Variants in NAA30 observed in about 807,000 individuals in gnomAD.
The protein encoded by NAA30 is N-alpha-acetyltransferase 30.
A neutral mutation model predicts 31.4 loss-of-function variants in NAA30; 5 were observed. The ratio of observed to expected loss-of-function variants is 0.16; its 90% confidence interval spans 0.08 to 0.33. The LOEUF is 0.33. NAA30 is among the 10% of genes least tolerant of loss of function. The pLI, the probability that NAA30 is intolerant of heterozygous loss-of-function variation, is 1.00. For synonymous variants in NAA30, 222 were observed against 207.1 expected, an observed-to-expected ratio of 1.07 and a Z score of -0.62; for missense variants, 428 against 490.8, an observed-to-expected ratio of 0.87 and a Z score of 1.21.
intron 4 of NAA30, among the ~76,000 whole-genome samples, chr14:57,405,706 A>G (rs968521355): frequency 2.0e-5 from 3 of 152,222 alleles, no homozygotes; most frequent in Non-Finnish European, 4.4e-5. Context: ...TGTGAAGAGC[A>G]GTACTGTTTG....
intron 2 of NAA30, among the ~76,000 whole-genome samples, chr14:57,392,287 T>C (rs574851823): frequency 2.2e-4 from 34 of 152,356 alleles, no homozygotes; most frequent in African/African-American, 7.9e-4. Context: ...GCCAGCCTGC[T>C]TTCTGGTACT....
intron 4 of NAA30, among the ~76,000 whole-genome samples, chr14:57,407,910 T>C (rs945265683): frequency 7.2e-5 from 11 of 152,012 alleles, no homozygotes; most frequent in African/African-American, 2.7e-4. Flanking sequence ...AGAGGGAGAA[T>C]TGACAATAAT....
intron 2 of NAA30, among the ~76,000 whole-genome samples, chr14:57,395,105 T>A (rs908988723): frequency 6.6e-6 from 1 of 152,204 alleles, no homozygotes; most frequent in African/African-American, 2.4e-5. Flanking sequence ...AAAATTTTTT[T>A]AAAAGATTGA....
At chr14:57,396,645 C>G (rs2066451618) in intron 2 of NAA30, 107 bp from the exon 3 acceptor site, 2 of 1,161,344 alleles carry the variant, frequency 1.7e-6, no homozygotes, top group African/African-American at 3.0e-5. Flanking sequence ...TTCCCATTAT[C>G]TTCCCCCGTC....
rs1709384019 is a variant in NAA30, at chr14:57,401,455, A to G, written c.951+1572A>G. 2.0e-5 allele frequency among the ~76,000 whole-genome samples: 3 copies of G among 152,348 alleles called. 1 individual carries two copies. The South Asian group carries it at 6.2e-4, about 32-fold the overall frequency. The stretch of plus-strand genomic sequence containing the variant: ...AAAGGTGCAGTCGCCAAAGCTTTAC[A>G]TGACTGGTAACTGAAATTTCGAGGA... On this transcript the variant is annotated intron_variant, in intron 4 of 4. Transcript: ENST00000556492.
In NAA30 at chr14:57,391,041, C is replaced by A. The variant is rs8016298; in HGVS notation, c.84C>A (p.Pro28=). ...CGGCGGCGGTCGAGCCCCGCTGTCC[C>A]TTCCCGGCGGGGGCCGCCCTCGCCT... ...PAPAAVEPRC[P]FPAGAALACC... Residue 28 remains proline (P), a synonymous_variant, in exon 2 of 5, where the codon CCC becomes CCA. Transcript: ENST00000556492. The surrounding 1 kb of genome is among the most constrained non-coding windows in gnomAD (Gnocchi z 4.1). The A allele has an allele frequency of 2.5e-4, 371 of 1,512,820 alleles. 4 individuals carry two copies. The African/African-American group carries it at 4.7e-3, about 19-fold the overall frequency. The allele number at this position is 1,512,820 out of a possible 1,614,324, so 93.7% of individuals were successfully genotyped here. A position where few individuals can be genotyped will look rare whatever the true frequency, so the allele number is the denominator to read the frequency against.
intron 2 of NAA30, among the ~76,000 whole-genome samples, chr14:57,394,222 G>T (rs984083797): frequency 1.3e-5 from 2 of 150,610 alleles, no homozygotes; most frequent in Admixed American, 6.6e-5. Context: ...GTATCTTTTT[G>T]AAGTTCTTAA....
chr14:57,395,211 T>A (rs2066445661), intron 2 of NAA30, among the ~76,000 whole-genome samples: 1 of 152,110 alleles, frequency 6.6e-6, no homozygotes, highest in South Asian at 2.1e-4. Context: ...TGAATTAGCG[T>A]GGGTTGTTGA....
At chr14:57,400,203 G>A (rs2066469158) in intron 4 of NAA30, among the ~76,000 whole-genome samples, 1 of 152,112 alleles carries the variant, frequency 6.6e-6, no homozygotes, top group Non-Finnish European at 1.5e-5. Context: ...CTTACATATT[G>A]GCCTTAGTTT....
chr14:57,394,255 A>G (rs1480754551), intron 2 of NAA30, among the ~76,000 whole-genome samples: 1 of 152,150 alleles, frequency 6.6e-6, no homozygotes, highest in Admixed American at 6.5e-5. Flanking sequence ...CAAATGTAAC[A>G]TAGTACTTCC....
intron 1 of NAA30, 25 bp downstream of exon 1, chr14:57,390,730 G>C: frequency 4.7e-6 from 2 of 422,764 alleles, no homozygotes; most frequent in Non-Finnish European, 8.2e-6. Flanking sequence ...GGGGCCGCGA[G>C]TGACAGGGCT....
chr14:57,409,796 T>C lies in NAA30; in HGVS notation c.*280T>C. The C allele has an allele frequency of 7.2e-6, 2 of 279,188 alleles. No individual in the cohort carries two copies. The highest frequency in any genetic ancestry group is 6.4e-5 in the East Asian group (1 of 15,688). The allele number at this position is 279,188 out of a possible 1,614,324, so 17.3% of individuals were successfully genotyped here. A position where few individuals can be genotyped will look rare whatever the true frequency, so the allele number is the denominator to read the frequency against. On this transcript the variant is annotated 3_prime_UTR_variant, in exon 5 of 5. Coordinates refer to ENST00000556492, the MANE Select transcript of NAA30 (RefSeq NM_001011713.3). The stretch of plus-strand genomic sequence containing the variant: ...GTTCATTTGCAAAGTCTGCTGACAA[T>C]GTTATTTACACAGTGATCATTTTAT...
intron 4 of NAA30, among the ~76,000 whole-genome samples, chr14:57,402,611 T>G (rs2066481833): frequency 6.6e-6 from 1 of 152,204 alleles, no homozygotes; most frequent in Non-Finnish European, 1.5e-5. Flanking sequence ...AAAGGCATCT[T>G]TAGGGTTAAC....
chr14:57,400,530 A>AT (rs2066470959), intron 4 of NAA30, among the ~76,000 whole-genome samples: 1 of 152,238 alleles, frequency 6.6e-6, no homozygotes, highest in African/African-American at 2.4e-5. Context: ...AGAAGTATAG[A>AT]TGTCTTTAAC....
At chr14:57,407,368 C>T (rs1439967994) in intron 4 of NAA30, among the ~76,000 whole-genome samples, 2 of 152,076 alleles carry the variant, frequency 1.3e-5, no homozygotes, top group African/African-American at 4.8e-5. Flanking sequence ...TGTTGTTGGG[C>T]TTACCAGCTA....
Position 57,391,472 on chromosome 14 carries a change from G to C in NAA30, c.515G>C (p.Gly172Ala), listed in dbSNP as rs1320778145. ...GCGGCCCGCAATGGACTGGCCGAGG[G>C]CACCGAGCAGGAGGAGGAGGAGGAA... is the stretch of plus-strand genomic sequence containing the variant. ...PAAARNGLAE[G>A]TEQEEEEEDE... Residue 172 changes from glycine to alanine, a missense_variant, in exon 2 of 5, where the codon GGC becomes GCC. By Grantham distance (60) the Gly-to-Ala change is moderately conservative. Around this residue, in one of 2 missense-constraint regions of NAA30, gnomAD observed 349 missense variants for 310.4 expected, o/e 1.12. Coordinates refer to ENST00000556492, the MANE Select transcript of NAA30 (RefSeq NM_001011713.3). The surrounding 1 kb of genome is among the most constrained non-coding windows in gnomAD (Gnocchi z 4.1). 3 of 1,612,030 alleles carry C rather than the reference G, an allele frequency of 1.9e-6. No homozygotes were observed. The East Asian group carries it at 6.7e-5, about 36-fold the overall frequency.
chr14:57,390,708 G>T lies in NAA30; in HGVS notation c.-2+3G>T. The stretch of plus-strand genomic sequence containing the variant: ...GCGGCGGCGGGGACCCGTGCGGGGT[G>T]AGCCGTGAGGAGGGGCCGCGAGTGA... On this transcript the variant is annotated splice_donor_region_variant and intron_variant, in intron 1 of 4. Coordinates refer to ENST00000556492, the MANE Select transcript of NAA30 (RefSeq NM_001011713.3). The T allele has an allele frequency of 2.6e-6, 1 of 391,626 alleles. No individual in the cohort carries two copies. The highest frequency in any genetic ancestry group is 4.5e-6 in the Non-Finnish European group (1 of 221,878). The allele number at this position is 391,626 out of a possible 1,614,324, so 24.3% of individuals were successfully genotyped here.
chr14:57,391,818 A>G lies in NAA30; in HGVS notation c.771+90A>G. On this transcript the variant is annotated intron_variant, in intron 2 of 4. Coordinates refer to ENST00000556492, the MANE Select transcript of NAA30 (RefSeq NM_001011713.3). This position sits in a 1 kb window ranked among gnomAD's most constrained non-coding sequence, Gnocchi z 4.1. ...GAGGGCCCAGAATGTGGCAGTGGATATCTCCTGCTGCGTATCATAGTACGT... is the reference window on the plus strand; with the variant it reads ...GAGGGCCCAGAATGTGGCAGTGGATGTCTCCTGCTGCGTATCATAGTACGT... 1 of 948,778 alleles carries G rather than the reference A, an allele frequency of 1.1e-6. No individual in the cohort carries two copies. The highest frequency in any genetic ancestry group is 1.6e-6 in the Non-Finnish European group (1 of 622,320). 58.8% of individuals were successfully genotyped at this position (948,778 alleles called of 1,614,324 possible).
chr14:57,406,585 A>G (rs1419449162), intron 4 of NAA30, among the ~76,000 whole-genome samples: 2 of 152,208 alleles, frequency 1.3e-5, no homozygotes, highest in East Asian at 3.9e-4. Context: ...ATACATATAG[A>G]ATGCTTTACA....
Sources: gnomAD v4.1 joint callset for allele counts (sites outside exome capture counted in the v4.1 genomes callset) on GRCh38, gnomAD v4.1.1 for gene constraint, gnomAD v4.1.1 regional missense constraint, Gnocchi (gnomAD v3.1) non-coding constraint, MANE v1.5 for transcripts, NCBI Gene and HGNC (gene_info 2026-07-23, HGNC 2026-07-21) for gene names.